Variants in HOOK3 observed in about 807,000 individuals in gnomAD.
HOOK3 encodes protein Hook homolog 3.
In HOOK3, 24 loss-of-function variants were observed where a neutral mutation model predicts 116.3. The observed-to-expected ratio is 0.21, with a 90% CI of 0.15 to 0.29. The LOEUF (loss-of-function observed/expected upper bound fraction) is 0.29, where lower values mean the gene tolerates loss of function less well. HOOK3 is among the 10% of genes least tolerant of loss of function. The pLI is 1.00. For synonymous variants in HOOK3, 275 were observed against 283.0 expected (o/e 0.97, Z 0.28); for missense variants, 632 against 830.2 (o/e 0.76, Z 2.93).
chr8:42,968,237 A>T lies in HOOK3; in HGVS notation c.1122+23A>T, dbSNP rs775488939. The T allele has an allele frequency of 8.3e-6, 13 of 1,569,098 alleles. 1 individual carries two copies. The highest frequency in any genetic ancestry group is 1.7e-4 in the Middle Eastern group (1 of 5,934). On this transcript the variant is annotated intron_variant, in intron 11 of 21. Coordinates refer to ENST00000307602, the MANE Select transcript of HOOK3 (RefSeq NM_032410.4). ...CAGGTAAAAGAAACACAGCATCTTG[A>T]TGATGGTTTCAGGCAAGCTCTCAGT...
chr8:42,972,720 T>A (rs1808747934), intron 11 of HOOK3, among the ~76,000 whole-genome samples: 1 of 152,202 alleles, frequency 6.6e-6, no homozygotes. Flanking sequence ...GCTTTTTTAA[T>A]CCCAAAGCAC....
intron 8 of HOOK3, 92 bp downstream of exon 8, chr8:42,959,406 C>T: frequency 2.4e-6 from 2 of 824,738 alleles, no homozygotes; most frequent in South Asian, 1.7e-5. Context: ...TACATCTTAA[C>T]TATAACGCAA....
intron 7 of HOOK3, among the ~76,000 whole-genome samples, chr8:42,957,441 T>C (rs963772198): frequency 6.6e-6 from 1 of 152,198 alleles, no homozygotes; most frequent in Non-Finnish European, 1.5e-5. Context: ...TTTCTAGTCA[T>C]GAATTTTTAT....
At chr8:42,943,916 A>G (rs1808175667) in intron 5 of HOOK3, among the ~76,000 whole-genome samples, 2 of 152,208 alleles carry the variant, frequency 1.3e-5, no homozygotes, top group Non-Finnish European at 1.5e-5. Flanking sequence ...GAGAGGGAAG[A>G]GTATCATTAT....
chr8:42,934,128 G>A (rs184676211), intron 4 of HOOK3, among the ~76,000 whole-genome samples: 200 of 150,876 alleles, frequency 1.3e-3, no homozygotes, highest in African/African-American at 4.6e-3. Context: ...GAACTATTTA[G>A]CTATTGAACC....
At chr8:42,944,907 T>C (rs1196501290) in intron 5 of HOOK3, among the ~76,000 whole-genome samples, 1 of 152,240 alleles carries the variant, frequency 6.6e-6, no homozygotes, top group African/African-American at 2.4e-5. Context: ...AACTGTCTTT[T>C]ATTTTTTCCC....
In HOOK3 at chr8:43,023,372, A is replaced by G. The variant is rs1325412788; in HGVS notation, c.*4874A>G. ...CATTTTATTGATGAGCCACTTTGCTATCTCTCCTTCCTTCCTCCTTCCTTC... is the reference window on the plus strand; with the variant it reads ...CATTTTATTGATGAGCCACTTTGCTGTCTCTCCTTCCTTCCTCCTTCCTTC... On this transcript the variant is annotated 3_prime_UTR_variant, in exon 22 of 22. Transcript: ENST00000307602. The G allele has an allele frequency of 6.6e-6, 1 of 151,878 alleles. No individual in the cohort carries two copies. The highest frequency in any genetic ancestry group is 1.4e-5 in the Non-Finnish European group (1 of 71,044). 9.4% of individuals were successfully genotyped at this position (151,878 alleles called of 1,614,324 possible).
Position 42,979,866 on chromosome 8 carries a change from T to C in HOOK3, c.1322-2761T>C, listed in dbSNP as rs535335538. Among the ~76,000 whole-genome samples the C allele has an allele frequency of 2.8e-4, 42 of 152,288 alleles. No homozygotes were observed. The South Asian group carries it at 4.3e-3, about 16-fold the overall frequency. ...ATCTTTCTTGTTTTCACCAAAAATA[T>C]ATCGTTTGTGATTATAACAGCATCC... On this transcript the variant is annotated intron_variant, in intron 13 of 21. Coordinates refer to ENST00000307602, the MANE Select transcript of HOOK3 (RefSeq NM_032410.4).
At chr8:42,915,425 C>T (rs117444409) in intron 2 of HOOK3, among the ~76,000 whole-genome samples, 4,501 of 151,952 alleles carry the variant, frequency 0.03, 94 homozygotes, top group African/African-American at 0.055. Context: ...TAGATATTGC[C>T]TGTTATTATT....
Position 43,022,640 on chromosome 8 carries a change from T to C in HOOK3, c.*4142T>C, listed in dbSNP as rs1809851132. On this transcript the variant is annotated 3_prime_UTR_variant, in exon 22 of 22. Coordinates refer to ENST00000307602, the MANE Select transcript of HOOK3 (RefSeq NM_032410.4). ...CTGAAAAGAGAATCAAGTATACAAT[T>C]GTACATATTTTTAAAGAACTTTGAA... 5.4e-6 allele frequency: 1 copy of C among 183,624 alleles called. No homozygotes were observed. Among genetic ancestry groups the C allele is most frequent in the Non-Finnish European group, 1.2e-5 (1 of 86,554 alleles). The allele number at this position is 183,624 out of a possible 1,614,324, so 11.4% of individuals were successfully genotyped here.
rs1809966992 is a variant in HOOK3 at position 43,028,129 on chromosome 8, A to T, written c.*9631A>T. 1 of 186,928 alleles carries T rather than the reference A, an allele frequency of 5.3e-6. No individual in the cohort carries two copies. Among genetic ancestry groups the T allele is most frequent in the Non-Finnish European group, 1.1e-5 (1 of 88,678 alleles). 11.6% of individuals were successfully genotyped at this position (186,928 alleles called of 1,614,324 possible). On this transcript the variant is annotated 3_prime_UTR_variant, in exon 22 of 22. Coordinates refer to ENST00000307602, the MANE Select transcript of HOOK3 (RefSeq NM_032410.4). ...CTCAATACTTTATTTTTCAAGTGAT[A>T]AAATCATTTTATAAATCATTTCTTA...
At chr8:42,901,252 G>C (rs1197732753) in intron 1 of HOOK3, among the ~76,000 whole-genome samples, 2 of 152,158 alleles carry the variant, frequency 1.3e-5, no homozygotes, top group Non-Finnish European at 2.9e-5. Flanking sequence ...GAGCTTCTTG[G>C]AATTAAAAGA....
intron 3 of HOOK3, among the ~76,000 whole-genome samples, chr8:42,929,596 A>AAG (rs1165954753): frequency 2.0e-5 from 3 of 152,224 alleles, no homozygotes; most frequent in Admixed American, 2.0e-4. Context: ...ATAAATACTT[A>AAG]CTTTGATGTT....
intron 15 of HOOK3, among the ~76,000 whole-genome samples, chr8:42,992,452 T>C (rs1458283891): frequency 7.0e-6 from 1 of 143,146 alleles, no homozygotes; most frequent in African/African-American, 2.6e-5. Context: ...GTGCGGTGGC[T>C]CTTCCCTGTA....
At chr8:42,982,241 T>G (rs1586620841) in intron 13 of HOOK3, among the ~76,000 whole-genome samples, 1 of 121,152 alleles carries the variant, frequency 8.3e-6, no homozygotes, top group African/African-American at 3.3e-5. Context: ...GGCAACAGAG[T>G]GAGACTCTGT....
intron 6 of HOOK3, among the ~76,000 whole-genome samples, chr8:42,952,380 G>A (rs913961254): frequency 6.6e-6 from 1 of 152,150 alleles, no homozygotes; most frequent in Non-Finnish European, 1.5e-5. Context: ...CCACCCCATG[G>A]TAGCAATATG....
intron 7 of HOOK3, among the ~76,000 whole-genome samples, chr8:42,957,403 A>G (rs1808455968): frequency 6.6e-6 from 1 of 152,178 alleles, no homozygotes; most frequent in Admixed American, 6.5e-5. Context: ...GAAATAGGTT[A>G]ATTTTTTTAG....
chr8:42,963,872 A>T (rs749064919), intron 8 of HOOK3, among the ~76,000 whole-genome samples: 4 of 152,228 alleles, frequency 2.6e-5, no homozygotes, highest in Non-Finnish European at 5.9e-5. Context: ...TTCCAAAATG[A>T]TGTAAATGTT....
At position 42,968,184 on chromosome 8, in the gene HOOK3, G is replaced by A. The variant is rs778433363; in HGVS notation, c.1092G>A (p.Ala364=). 1.1e-5 allele frequency: 18 copies of A among 1,613,588 alleles called. No individual in the cohort carries two copies. Among genetic ancestry groups the A allele is most frequent in the Admixed American group, 1.7e-5 (1 of 59,940 alleles). The change falls in exon 11 of 22, where the codon GCG becomes GCA. Residue 364 remains alanine, a synonymous_variant. Coordinates refer to ENST00000307602, the MANE Select transcript of HOOK3 (RefSeq NM_032410.4). Reference sequence around the variant, plus strand: ...AAGAGTTAAGAAAGGCCAACGCAGCGCGAAGTCAACTTGAAACCTACAAGA... The same window carrying A: ...AAGAGTTAAGAAAGGCCAACGCAGCACGAAGTCAACTTGAAACCTACAAGA... ...LEEELRKANA[A]RSQLETYKRQ...
Sources: allele counts gnomAD v4.1 joint callset (sites outside exome capture counted in the v4.1 genomes callset), GRCh38; gene constraint gnomAD v4.1.1; transcripts MANE v1.5; gene names NCBI Gene and HGNC (gene_info 2026-07-23, HGNC 2026-07-21).